LRRIQ3: variants seen among roughly 807,000 people sequenced by gnomAD.
The protein encoded by LRRIQ3 is leucine rich repeats and IQ motif containing 3.
LRRIQ3 carries 75 observed loss-of-function variants against 59.3 expected under a neutral mutation model. That is an observed-to-expected ratio of 1.26 (90% confidence interval 1.05 to 1.53). The LOEUF (loss-of-function observed/expected upper bound fraction) is 1.53. Ranked by LOEUF, LRRIQ3 falls within the 40% of genes most tolerant of loss-of-function variation. LRRIQ3 has a pLI of 0.00. For missense variants in LRRIQ3, 831 were observed against 710.0 expected, an observed-to-expected ratio of 1.17 and a Z score of -1.94; for synonymous variants, 250 against 231.3, an observed-to-expected ratio of 1.08 and a Z score of -0.73.
chr1:74,092,886 T>C (rs983397023), intron 5 of LRRIQ3, among the ~76,000 whole-genome samples: 2 of 151,946 alleles, frequency 1.3e-5, no homozygotes, highest in African/African-American at 2.4e-5. Context: ...GCAGGAAAGA[T>C]GAGATTAAGA....
intron 5 of LRRIQ3, among the ~76,000 whole-genome samples, chr1:74,091,406 T>C (rs1276046243): frequency 6.6e-6 from 1 of 152,084 alleles, no homozygotes; most frequent in Non-Finnish European, 1.5e-5. Flanking sequence ...ACCTGAGGTA[T>C]CAAATGAACA....
chr1:74,068,464 TTTACA>T (rs1471427976), intron 6 of LRRIQ3, among the ~76,000 whole-genome samples: 1 of 151,536 alleles, frequency 6.6e-6, no homozygotes, highest in Non-Finnish European at 1.5e-5. Flanking sequence ...TCACATAATT[TTTACA>T]TAACTGCATG....
intron 5 of LRRIQ3, chr1:74,082,740 A>G (rs1387083668): frequency 6.6e-6 from 1 of 151,522 alleles, no homozygotes; most frequent in African/African-American, 2.4e-5. Flanking sequence ...GTCTCCTATT[A>G]ACAAAGTAGC....
chr1:74,184,085 C>G (rs910675232), intron 1 of LRRIQ3, among the ~76,000 whole-genome samples: 1 of 151,884 alleles, frequency 6.6e-6, no homozygotes, highest in Non-Finnish European at 1.5e-5. Flanking sequence ...AAGAAATACA[C>G]TGAATAATAA....
At chr1:74,047,635 C>T (rs2100406348) in intron 6 of LRRIQ3, among the ~76,000 whole-genome samples, 1 of 151,930 alleles carries the variant, frequency 6.6e-6, no homozygotes, top group Non-Finnish European at 1.5e-5. Context: ...GGTCCTTCAC[C>T]CTCTACCATC....
chr1:74,115,098 T>C (rs1374036747), intron 4 of LRRIQ3, among the ~76,000 whole-genome samples: 1 of 152,074 alleles, frequency 6.6e-6, no homozygotes, highest in African/African-American at 2.4e-5. Context: ...GCGGTACAAA[T>C]CATTTCCACA....
chr1:74,182,358 T>C (rs1378832665), intron 3 of LRRIQ3, 180 bp downstream of exon 3: 1 of 360,568 alleles, frequency 2.8e-6, no homozygotes, highest in Non-Finnish European at 4.8e-6. Context: ...GTAGTTGGCA[T>C]GCAAACTTTT....
chr1:74,093,984 C>A (rs1646421202), intron 5 of LRRIQ3, among the ~76,000 whole-genome samples: 1 of 151,932 alleles, frequency 6.6e-6, no homozygotes, highest in Non-Finnish European at 1.5e-5. Context: ...TTTTTTCTCA[C>A]AGGTCTGAAA....
chr1:74,062,238 G>A (rs1453943586), intron 6 of LRRIQ3, among the ~76,000 whole-genome samples: 1 of 151,896 alleles, frequency 6.6e-6, no homozygotes, highest in Non-Finnish European at 1.5e-5. Flanking sequence ...TAAAAATTGG[G>A]CAAAAGACAT....
At chr1:74,188,735 A>C (rs2100737461) in intron 1 of LRRIQ3, among the ~76,000 whole-genome samples, 1 of 152,242 alleles carries the variant, frequency 6.6e-6, no homozygotes, top group African/African-American at 2.4e-5. Context: ...GGTTTCAATA[A>C]ATGTCTCTTT....
chr1:74,160,156 C>A (rs1326291444), intron 3 of LRRIQ3, among the ~76,000 whole-genome samples: 2 of 152,100 alleles, frequency 1.3e-5, no homozygotes, highest in Non-Finnish European at 2.9e-5. Context: ...ATATAACACC[C>A]TTTGCTATTT....
intron 5 of LRRIQ3, among the ~76,000 whole-genome samples, chr1:74,094,740 A>C (rs1646431255): frequency 6.6e-6 from 1 of 152,072 alleles, no homozygotes; most frequent in Admixed American, 6.6e-5. Context: ...AGGAAGAGAG[A>C]TATGATAGAT....
At chr1:74,040,118 G>T (rs1445831581) in intron 7 of LRRIQ3, among the ~76,000 whole-genome samples, 1 of 151,668 alleles carries the variant, frequency 6.6e-6, no homozygotes, top group South Asian at 2.1e-4. Flanking sequence ...AAGGAAAAAA[G>T]AAAAACAAGC....
chr1:74,076,396 T>C (rs1646210124), intron 5 of LRRIQ3, among the ~76,000 whole-genome samples: 1 of 152,158 alleles, frequency 6.6e-6, no homozygotes. Flanking sequence ...CTCTTTCACA[T>C]GGACATCTCA....
At position 74,066,187 on chromosome 1, in the gene LRRIQ3, GAA is replaced by G. The variant is rs71772871; in HGVS notation, c.997+8472_997+8473del. Reference sequence around the variant, plus strand: ...GGCAAGAAGAGAGAAACTCTGTCTCGAAAAAAAAAAAAAAAAAGTAAAAATGT... The same window carrying G: ...GGCAAGAAGAGAGAAACTCTGTCTCGAAAAAAAAAAAAAAAGTAAAAATGT... On this transcript the variant is annotated intron_variant, in intron 6 of 7. Coordinates refer to ENST00000354431, the MANE Select transcript of LRRIQ3 (RefSeq NM_001105659.2). Among the ~76,000 whole-genome samples the G allele has an allele frequency of 4.9e-3, 586 of 119,854 alleles. 1 individual carries two copies. Among genetic ancestry groups the G allele is most frequent in the Non-Finnish European group, 5.1e-3 (296 of 57,610 alleles). The allele number at this position is 119,854 out of a possible 152,430, so 78.6% of individuals were successfully genotyped here. A position where few individuals can be genotyped will look rare whatever the true frequency, so the allele number is the denominator to read the frequency against.
At chr1:74,190,156 G>A (rs559758680) in intron 1 of LRRIQ3, among the ~76,000 whole-genome samples, 57 of 152,176 alleles carry the variant, frequency 3.7e-4, no homozygotes, top group South Asian at 1.7e-3. Context: ...CAGACAGGCA[G>A]TACAGAAACT....
intron 4 of LRRIQ3, among the ~76,000 whole-genome samples, chr1:74,143,380 T>C (rs892945782): frequency 6.6e-6 from 1 of 151,902 alleles, no homozygotes; most frequent in African/African-American, 2.4e-5. Context: ...GTAAGGTAAA[T>C]TTTGAAGATG....
chr1:74,101,826 G>A (rs937490890), intron 5 of LRRIQ3, among the ~76,000 whole-genome samples: 20 of 152,004 alleles, frequency 1.3e-4, no homozygotes, highest in Non-Finnish European at 2.2e-4. Flanking sequence ...ACCAAACACC[G>A]CATGTTCTCA....
At chr1:74,035,751 T>C (rs1199965130) in intron 7 of LRRIQ3, among the ~76,000 whole-genome samples, 13 of 152,124 alleles carry the variant, frequency 8.5e-5, no homozygotes, top group Non-Finnish European at 1.5e-4. Flanking sequence ...CAAGTTGATG[T>C]TTCTCAAGCA....
Sources: allele counts gnomAD v4.1 joint callset (sites outside exome capture counted in the v4.1 genomes callset), GRCh38; gene constraint gnomAD v4.1.1; transcripts MANE v1.5; gene names NCBI Gene and HGNC (gene_info 2026-07-23, HGNC 2026-07-21).